The following ELP4 variants were observed in gnomAD, a reference collection of about 807,000 sequenced individuals.
The protein encoded by ELP4 is elongator acetyltransferase complex subunit 4.
A neutral mutation model predicts 48.9 loss-of-function variants in ELP4; 51 were observed. The ratio of observed to expected loss-of-function variants is 1.04; its 90% confidence interval spans 0.83 to 1.32. ELP4 has a LOEUF of 1.32. ELP4 is among the 40% of genes most tolerant of loss of function. ELP4 has a pLI of 0.00. For synonymous variants in ELP4, 210 were observed against 189.2 expected (o/e 1.11, Z -0.90); for missense variants, 519 against 514.6 (o/e 1.01, Z -0.08).
chr11:31,565,754 C>T (rs966790876), intron 3 of ELP4, among the ~76,000 whole-genome samples: 1 of 151,874 alleles, frequency 6.6e-6, no homozygotes, highest in South Asian at 2.1e-4. Flanking sequence ...GGTACCAGTA[C>T]CATGCTGTTT....
intron 9 of ELP4, chr11:31,763,275 A>T (rs758179923): frequency 3.1e-6 from 2 of 643,492 alleles, no homozygotes; most frequent in African/African-American, 3.7e-5. Context: ...TTTAGGATAG[A>T]TGAGTTCACT....
intron 9 of ELP4, among the ~76,000 whole-genome samples, chr11:31,659,263 A>G (rs1945504411): frequency 6.6e-6 from 1 of 152,134 alleles, no homozygotes; most frequent in African/African-American, 2.4e-5. Context: ...GACATTTTAT[A>G]GAGTAGCCAG....
Position 31,747,721 on chromosome 11 carries a change from G to A in ELP4, c.1144-35672G>A, listed in dbSNP as rs1592277576. On this transcript the variant is annotated intron_variant, in intron 9 of 9. Transcript: ENST00000640961. ...ACCATGGTCAGAGAAAAGCAGCAGT[G>A]GTTTTAAATATGACTCCAAATAAAA... Among the ~76,000 whole-genome samples the A allele has an allele frequency of 2.6e-5, 4 of 152,160 alleles. No individual in the cohort carries two copies. In the South Asian group the frequency reaches 8.3e-4, roughly 32 times the overall value.
intron 9 of ELP4, among the ~76,000 whole-genome samples, chr11:31,661,419 TTTTG>T (rs1388689655): frequency 6.6e-6 from 1 of 152,022 alleles, no homozygotes. Context: ...TTCTGCACTG[TTTTG>T]TTTGTTTTGT....
chr11:31,647,539 A>G (rs1039279744), intron 7 of ELP4: 51 of 426,924 alleles, frequency 1.2e-4, no homozygotes, highest in African/African-American at 9.7e-4. Flanking sequence ...TTAGAATAGC[A>G]TGACTACATG....
chr11:31,718,664 A>G (rs1017803389), intron 9 of ELP4, among the ~76,000 whole-genome samples: 3 of 152,214 alleles, frequency 2.0e-5, no homozygotes, highest in African/African-American at 7.2e-5. Context: ...ACCTGTGTGT[A>G]GCCTTTGCAT....
Position 31,521,266 on chromosome 11 carries a change from C to G in ELP4, c.259+1175C>G, listed in dbSNP as rs568747922. ...TATTTAACTCTTACTGTTGGTCATA[C>G]ATTATGCAAAGTGCATTATGTTTTT... On this transcript the variant is annotated intron_variant, in intron 2 of 9. Coordinates refer to ENST00000640961, the MANE Select transcript of ELP4 (RefSeq NM_019040.5). Among the ~76,000 whole-genome samples the G allele has an allele frequency of 2.1e-3, 324 of 151,552 alleles. 2 individuals are homozygous for G. The highest frequency in any genetic ancestry group is 2.3e-3 in the South Asian group (11 of 4,810).
chr11:31,510,655 G>C (rs1955975516), intron 1 of ELP4: 2 of 328,656 alleles, frequency 6.1e-6, no homozygotes, highest in Non-Finnish European at 1.1e-5. Flanking sequence ...TTGCTTCCCA[G>C]TATTGATTGC....
chr11:31,679,125 A>G (rs1946002366), intron 9 of ELP4, among the ~76,000 whole-genome samples: 1 of 152,044 alleles, frequency 6.6e-6, no homozygotes, highest in Non-Finnish European at 1.5e-5. Context: ...TTTTTCTGTT[A>G]TTGTTGAATT....
chr11:31,522,860 T>C (rs990007078), intron 2 of ELP4, among the ~76,000 whole-genome samples: 5 of 137,852 alleles, frequency 3.6e-5, no homozygotes, highest in Non-Finnish European at 6.3e-5. Context: ...AGTTCTCCAC[T>C]TTTTTTTTTT....
Position 31,713,514 on chromosome 11 carries a change from A to G in ELP4, c.1143+63293A>G, listed in dbSNP as rs908702168. The stretch of plus-strand genomic sequence containing the variant: ...CTTCTCTTTACTGAGCAATGGTAAA[A>G]GTTTTATCTTGCATAATATACTCTA... On this transcript the variant is annotated intron_variant, in intron 9 of 9. Coordinates refer to ENST00000640961, the MANE Select transcript of ELP4 (RefSeq NM_019040.5). 2.6e-5 allele frequency among the ~76,000 whole-genome samples: 4 copies of G among 152,180 alleles called. No individual in the cohort carries two copies. In the East Asian group the frequency reaches 7.7e-4, roughly 29 times the overall value.
chr11:31,650,875 T>C (rs377436496), intron 9 of ELP4: 50 of 151,868 alleles, frequency 3.3e-4, no homozygotes, highest in African/African-American at 1.1e-3. Context: ...CAGAGAGAGA[T>C]GGCTTTTGGG....
chr11:31,690,796 C>CTTTTTT (rs10653769), intron 9 of ELP4, among the ~76,000 whole-genome samples: 3 of 109,612 alleles, frequency 2.7e-5, no homozygotes, highest in African/African-American at 3.4e-5. Context: ...GTTTTTTTTC[C>CTTTTTT]TTTTTTTTTT....
At chr11:31,545,532 A>T (rs574859338) in intron 3 of ELP4, among the ~76,000 whole-genome samples, 1 of 152,298 alleles carries the variant, frequency 6.6e-6, no homozygotes, top group South Asian at 2.1e-4. Flanking sequence ...AGTGATGGGG[A>T]GAATGGAACC....
intron 5 of ELP4, among the ~76,000 whole-genome samples, chr11:31,618,064 A>C (rs961649392): frequency 1.3e-5 from 2 of 152,100 alleles, no homozygotes; most frequent in African/African-American, 4.8e-5. Flanking sequence ...AATAGCTCAC[A>C]AGTGGAAACA....
At chr11:31,606,095 T>A (rs1957869205) in intron 5 of ELP4, among the ~76,000 whole-genome samples, 1 of 152,176 alleles carries the variant, frequency 6.6e-6, no homozygotes, top group Non-Finnish European at 1.5e-5. Flanking sequence ...ACTAGCAGTT[T>A]CGCACAGAAT....
At chr11:31,589,212 G>A (rs1957529103) in intron 3 of ELP4, among the ~76,000 whole-genome samples, 1 of 152,130 alleles carries the variant, frequency 6.6e-6, no homozygotes. Flanking sequence ...AGCATCTCTT[G>A]AGTATCTTCT....
chr11:31,662,566 G>A (rs886093101), intron 9 of ELP4: 5 of 397,812 alleles, frequency 1.3e-5, no homozygotes, highest in African/African-American at 8.2e-5. Context: ...CGAAGGCAAA[G>A]ATATTTTCTG....
intron 9 of ELP4, among the ~76,000 whole-genome samples, chr11:31,700,657 T>A (rs1946502720): frequency 6.6e-6 from 1 of 152,062 alleles, no homozygotes; most frequent in South Asian, 2.1e-4. Flanking sequence ...TGGAAAAGAT[T>A]ACTTACTCAA....
Sources: gnomAD v4.1 joint callset for allele counts (sites outside exome capture counted in the v4.1 genomes callset) on GRCh38, gnomAD v4.1.1 for gene constraint, MANE v1.5 for transcripts, NCBI Gene and HGNC (gene_info 2026-07-23, HGNC 2026-07-21) for gene names.